Variants in SRSF4 observed in about 807,000 individuals in gnomAD.
The protein encoded by SRSF4 is serine and arginine rich splicing factor 4.
Under a neutral mutation model 48.8 loss-of-function variants are expected in SRSF4, and 12 were observed. The ratio of observed to expected loss-of-function variants is 0.25; its 90% confidence interval spans 0.16 to 0.40. The LOEUF is 0.40. Ranked by LOEUF, SRSF4 falls within the 10% of genes least tolerant of loss-of-function variation. The pLI, the probability that SRSF4 is intolerant of heterozygous loss-of-function variation, is 1.00. For synonymous variants in SRSF4, 248 were observed against 232.5 expected (o/e 1.07, Z -0.61); for missense variants, 466 against 667.1 (o/e 0.70, Z 3.32).
chr1:29,170,261 G>C (rs1000982707), intron 1 of SRSF4: 2 of 147,558 alleles, frequency 1.4e-5, no homozygotes, highest in Non-Finnish European at 2.9e-5. Flanking sequence ...GAAAAAACTC[G>C]AGAGATGAAA....
Position 29,148,984 on chromosome 1 carries a change from C to A in SRSF4, c.911G>T (p.Ser304Ile). 1 of 1,613,426 alleles carries A rather than the reference C, an allele frequency of 6.2e-7. No individual in the cohort carries two copies. Among genetic ancestry groups the A allele is most frequent in the Non-Finnish European group, 8.5e-7 (1 of 1,179,912 alleles). ...CTCCTCCTCCACTCTCCTCTCCTGA[C>A]TCCTGCTCCGACTTTTGCTCTTACT... Reference protein sequence around the residue: ...HKSKSKSRSRSQERRVEEEKR... With the variant: ...HKSKSKSRSRIQERRVEEEKR... Residue 304 changes from serine to isoleucine, a missense_variant, in exon 6 of 6, where the codon AGT becomes ATT. By Grantham distance (142) the Ser-to-Ile change is moderately radical. Coordinates refer to ENST00000373795, the MANE Select transcript of SRSF4 (RefSeq NM_005626.5).
At chr1:29,150,005 G>C in intron 5 of SRSF4, 98 bp downstream of exon 5, 1 of 1,005,064 alleles carries the variant, frequency 9.9e-7, no homozygotes, top group South Asian at 1.4e-5. Context: ...TCCAGCTTGG[G>C]TGACAGAGTG....
chr1:29,180,309 ACTT>A (rs1672935742), intron 1 of SRSF4, among the ~76,000 whole-genome samples: 1 of 152,252 alleles, frequency 6.6e-6, no homozygotes, highest in Admixed American at 6.5e-5. Flanking sequence ...TCTACCCGCC[ACTT>A]CAATATATCC....
At chr1:29,170,619 T>C (rs975805454) in intron 1 of SRSF4, 1 of 152,228 alleles carries the variant, frequency 6.6e-6, no homozygotes, top group Non-Finnish European at 1.5e-5. Context: ...TGGATGCCAC[T>C]AATTAAGTAT....
intron 5 of SRSF4, among the ~76,000 whole-genome samples, chr1:29,149,858 G>A (rs1361719852): frequency 1.3e-5 from 2 of 151,720 alleles, no homozygotes; most frequent in African/African-American, 2.4e-5. Flanking sequence ...GTGAGACCCT[G>A]TCTCTAAAAA....
At chr1:29,152,706 G>A (rs7549608) in intron 4 of SRSF4, among the ~76,000 whole-genome samples, 4,041 of 152,128 alleles carry the variant, frequency 0.027, 158 homozygotes, top group African/African-American at 0.093. Flanking sequence ...GTCACCTGAG[G>A]TCAGGAGTTC....
intron 1 of SRSF4, chr1:29,166,690 A>C (rs1672674901): frequency 6.6e-6 from 1 of 152,198 alleles, no homozygotes; most frequent in African/African-American, 2.4e-5. Context: ...CAGAGGAGGG[A>C]GGGCCATCAA....
intron 1 of SRSF4, among the ~76,000 whole-genome samples, chr1:29,175,021 T>A (rs896621373): frequency 6.7e-6 from 1 of 148,380 alleles, no homozygotes; most frequent in African/African-American, 2.5e-5. Context: ...AGAGACAGAG[T>A]GCGTGCGTGC....
In SRSF4 at chr1:29,148,245, G is replaced by A. The variant is rs1672336546; in HGVS notation, c.*165C>T. 3.9e-6 allele frequency: 4 copies of A among 1,022,094 alleles called. No homozygotes were observed. The highest frequency in any genetic ancestry group is 2.0e-5 in the Admixed American group (1 of 50,066). 63.3% of individuals were successfully genotyped at this position (1,022,094 alleles called of 1,614,324 possible). Reference sequence around the variant, plus strand: ...AGTCGAGCAGGAAGGCCTGGTGCCAGGAGGCTTTACTGAGAGGAAGCACTT... The same window carrying A: ...AGTCGAGCAGGAAGGCCTGGTGCCAAGAGGCTTTACTGAGAGGAAGCACTT... On this transcript the variant is annotated 3_prime_UTR_variant, in exon 6 of 6. Coordinates refer to ENST00000373795, the MANE Select transcript of SRSF4 (RefSeq NM_005626.5).
intron 1 of SRSF4, among the ~76,000 whole-genome samples, chr1:29,180,181 C>T (rs529265673): frequency 8.5e-5 from 13 of 152,242 alleles, no homozygotes; most frequent in Admixed American, 8.5e-4. Context: ...TGACTTAGGC[C>T]TGGCTGGCTT....
intron 5 of SRSF4, among the ~76,000 whole-genome samples, chr1:29,149,789 C>T (rs1265169077): frequency 7.3e-5 from 11 of 151,382 alleles, no homozygotes; most frequent in African/African-American, 1.9e-4. Context: ...TGTCTGTAAT[C>T]GCAGTAGTCT....
rs1252246195 is a variant in SRSF4 at position 29,148,577 on chromosome 1, T to G, written c.1318A>C (p.Thr440Pro). 6.2e-7 allele frequency: 1 copy of G among 1,613,952 alleles called. No individual in the cohort carries two copies. The highest frequency in any genetic ancestry group is 8.5e-7 in the Non-Finnish European group (1 of 1,179,958). ...GAATTGGATCTCGACCTGGACCGGG[T>G]CTCCTGATTGGTGCCAGCATTCTCA... ...ESENAGTNQE[T>P]RSRSRSNSKS... The change falls in exon 6 of 6, where the codon ACC becomes CCC. Residue 440 changes from threonine (T) to proline (P), a missense_variant. Thr to Pro is a conservative substitution (Grantham distance 38). Around this residue, in one of 2 missense-constraint regions of SRSF4, gnomAD observed 402 missense variants for 437.0 expected, o/e 0.92. Transcript: ENST00000373795.
intron 1 of SRSF4, among the ~76,000 whole-genome samples, chr1:29,178,353 C>CTTCTTTCTTTTTTTTT (rs141096220): frequency 7.8e-6 from 1 of 127,888 alleles, no homozygotes; most frequent in Non-Finnish European, 1.6e-5. Flanking sequence ...GTTTCAATTA[C>CTTCTTTCTTTTTTTTT]TTTTTTTTTT....
rs3209959 is a variant in SRSF4 at position 29,148,649 on chromosome 1, C to T, written c.1246G>A (p.Glu416Lys). The T allele has an allele frequency of 6.2e-7, 1 of 1,614,136 alleles. No homozygotes were observed. The highest frequency in any genetic ancestry group is 1.3e-5 in the African/African-American group (1 of 75,030). ...TGGCTGGATTCAGACTTGGCATGTT[C>T]CCGCTCCTTTGACACGGAGCGGGAT... ...SPSRSVSKER[E>K]HAKSESSQRE... Residue 416 changes from glutamate (E) to lysine (K), a missense_variant, in exon 6 of 6, where the codon GAA (glutamate) becomes AAA (lysine). Physicochemically the swap from Glu to Lys is moderately conservative, Grantham distance 56 (BLOSUM62 1). Around this residue, in one of 2 missense-constraint regions of SRSF4, gnomAD observed 402 missense variants for 437.0 expected, o/e 0.92. Coordinates refer to ENST00000373795, the MANE Select transcript of SRSF4 (RefSeq NM_005626.5).
At chr1:29,176,490 A>T (rs1430986021) in intron 1 of SRSF4, among the ~76,000 whole-genome samples, 3 of 56,346 alleles carry the variant, frequency 5.3e-5, no homozygotes, top group East Asian at 2.4e-4. Flanking sequence ...TAAAAACTTT[A>T]AAAAAAAAAA....
intron 1 of SRSF4, among the ~76,000 whole-genome samples, chr1:29,160,831 A>G (rs1290804915): frequency 6.6e-6 from 1 of 152,238 alleles, no homozygotes; most frequent in East Asian, 1.9e-4. Flanking sequence ...AAGAATCCAA[A>G]ATATATAATG....
intron 3 of SRSF4, among the ~76,000 whole-genome samples, chr1:29,157,695 A>C (rs1023878844): frequency 6.6e-6 from 1 of 152,236 alleles, no homozygotes; most frequent in East Asian, 1.9e-4. Flanking sequence ...ATTCCTAACT[A>C]TTCTTTCCTG....
intron 1 of SRSF4, among the ~76,000 whole-genome samples, chr1:29,178,733 A>G (rs148580045): frequency 2.6e-5 from 4 of 152,220 alleles, no homozygotes; most frequent in Non-Finnish European, 4.4e-5. Flanking sequence ...CTGCTAGGGG[A>G]CTATAAGCTT....
chr1:29,165,360 GA>G (rs1400644355), intron 1 of SRSF4, among the ~76,000 whole-genome samples: 2 of 152,190 alleles, frequency 1.3e-5, no homozygotes, highest in Non-Finnish European at 2.9e-5. Context: ...TCATAATTCT[GA>G]AAAGGTAGAA....
Sources: allele counts gnomAD v4.1 joint callset (sites outside exome capture counted in the v4.1 genomes callset), GRCh38; gene constraint gnomAD v4.1.1; regional missense constraint gnomAD v4.1.1; transcripts MANE v1.5; gene names NCBI Gene and HGNC (gene_info 2026-07-23, HGNC 2026-07-21).